The following SLC13A3 variants were observed in gnomAD, a reference collection of about 807,000 sequenced individuals.
SLC13A3 encodes the protein Na(+)/dicarboxylate cotransporter 3.
SLC13A3 carries 40 observed loss-of-function variants against 59.0 expected under a neutral mutation model. That is an observed-to-expected ratio of 0.68 (90% confidence interval 0.53 to 0.88). The LOEUF (loss-of-function observed/expected upper bound fraction) is 0.88, where lower values mean the gene tolerates loss of function less well. SLC13A3 is among the 40% of genes least tolerant of loss of function. SLC13A3 has a pLI of 0.00. For missense variants in SLC13A3, 699 were observed against 783.2 expected, an observed-to-expected ratio of 0.89 and a Z score of 1.28; for synonymous variants, 317 against 330.3, an observed-to-expected ratio of 0.96 and a Z score of 0.44.
At chr20:46,597,600 C>T (rs1405282029) in intron 4 of SLC13A3, among the ~76,000 whole-genome samples, 1 of 152,094 alleles carries the variant, frequency 6.6e-6, no homozygotes, top group Non-Finnish European at 1.5e-5. Flanking sequence ...CCATGCCCAG[C>T]TAATTTTTGT....
chr20:46,679,969 T>C (rs2063146478), intron 1 of SLC13A3, among the ~76,000 whole-genome samples: 1 of 151,956 alleles, frequency 6.6e-6, no homozygotes, highest in African/African-American at 2.4e-5. Flanking sequence ...ATTTCTACCA[T>C]TTACAGGCTG....
upstream of SLC13A3, among the ~76,000 whole-genome samples, chr20:46,673,030 G>A (rs1033209767): frequency 6.6e-6 from 1 of 152,180 alleles, no homozygotes; most frequent in African/African-American, 2.4e-5. Flanking sequence ...GGGATAGTTT[G>A]TCAAGCAGCA....
At chr20:46,583,549 G>C in intron 9 of SLC13A3, 23 bp downstream of exon 9, 1 of 1,612,262 alleles carries the variant, frequency 6.2e-7, no homozygotes, top group Non-Finnish European at 8.5e-7. Flanking sequence ...AGCCCACCGA[G>C]ACCCCAGCCT....
intron 2 of SLC13A3, 91 bp downstream of exon 2, chr20:46,613,369 G>T: frequency 8.6e-7 from 1 of 1,158,712 alleles, no homozygotes; most frequent in Non-Finnish European, 1.1e-6. Context: ...TCTTGGCCTG[G>T]ACGAGTAAAT....
rs1279706238 is a variant in SLC13A3 at position 46,559,818 on chromosome 20, C to T, written c.*204G>A. On this transcript the variant is annotated 3_prime_UTR_variant, in exon 13 of 13. Transcript: ENST00000279027. ...TCTCAGGCAGCAGATCTGAGAGATA[C>T]CTGGGCTTTGAACTGCATGAAAGAG... is the stretch of plus-strand genomic sequence containing the variant. 4 of 540,826 alleles carry T rather than the reference C, an allele frequency of 7.4e-6. No individual in the cohort carries two copies. Among genetic ancestry groups the T allele is most frequent in the Non-Finnish European group, 6.5e-6 (2 of 305,606 alleles). The allele number at this position is 540,826 out of a possible 1,614,324, so 33.5% of individuals were successfully genotyped here. A position where few individuals can be genotyped will look rare whatever the true frequency, so the allele number is the denominator to read the frequency against.
intron 1 of SLC13A3, among the ~76,000 whole-genome samples, chr20:46,642,919 A>G (rs190079446): frequency 6.6e-6 from 1 of 151,582 alleles, no homozygotes; most frequent in East Asian, 1.9e-4. Flanking sequence ...CTGCCAGCCT[A>G]ATGTGGGCAG....
At chr20:46,645,526 G>A (rs1022142049) in intron 1 of SLC13A3, among the ~76,000 whole-genome samples, 1 of 152,150 alleles carries the variant, frequency 6.6e-6, no homozygotes, top group African/African-American at 2.4e-5. Context: ...ACGCTTCCAG[G>A]CTATGGGTCC....
At chr20:46,634,259 G>T (rs915408666) in intron 1 of SLC13A3, among the ~76,000 whole-genome samples, 1 of 152,184 alleles carries the variant, frequency 6.6e-6, no homozygotes, top group African/African-American at 2.4e-5. Flanking sequence ...AGTCTTGAGG[G>T]TGAGCAGAAC....
intron 10 of SLC13A3, among the ~76,000 whole-genome samples, chr20:46,567,216 T>A (rs759601504): frequency 6.6e-6 from 1 of 152,132 alleles, no homozygotes; most frequent in African/African-American, 2.4e-5. Context: ...TGTATTTGTA[T>A]ATATACACAC....
rs144759968 is a variant in SLC13A3, at chr20:46,683,486, G to A, written c.-31+910C>T. On this transcript the variant is annotated intron_variant, in intron 1 of 6. Coordinates refer to the SLC13A3 transcript ENST00000372121. ...TGCATAATAAAAGACTGGGGTGGGGGTGCCGAGATTCATACCCTGTGCCAA... is the reference window on the plus strand; with the variant it reads ...TGCATAATAAAAGACTGGGGTGGGGATGCCGAGATTCATACCCTGTGCCAA... Among the ~76,000 whole-genome samples the A allele has an allele frequency of 4.3e-3, 661 of 152,202 alleles. 3 individuals are homozygous for A. The highest frequency in any genetic ancestry group is 0.015 in the African/African-American group (617 of 41,542).
At chr20:46,629,975 C>T (rs536675711) in intron 1 of SLC13A3, among the ~76,000 whole-genome samples, 11 of 152,184 alleles carry the variant, frequency 7.2e-5, no homozygotes, top group Non-Finnish European at 7.4e-5. Flanking sequence ...CTACTTATTA[C>T]AGAATTGCGG....
Position 46,590,409 on chromosome 20 carries a change from C to T in SLC13A3, c.921-1154G>A, listed in dbSNP as rs847089. 7.1e-3 allele frequency among the ~76,000 whole-genome samples: 1,081 copies of T among 152,124 alleles called. 14 individuals are homozygous for T. The highest frequency in any genetic ancestry group is 0.025 in the African/African-American group (1,049 of 41,534). ...AGACAAATCAGGAAAAAAAATGTAG[C>T]TTCTATTGTAGAATAAGCACTCATC... On this transcript the variant is annotated intron_variant, in intron 6 of 12. Coordinates refer to ENST00000279027, the MANE Select transcript of SLC13A3 (RefSeq NM_022829.6).
At chr20:46,665,118 T>C (rs1198943847) in intron 1 of SLC13A3, among the ~76,000 whole-genome samples, 3 of 152,080 alleles carry the variant, frequency 2.0e-5, no homozygotes, top group African/African-American at 4.8e-5. Flanking sequence ...ATATGTCAAT[T>C]AGCCAAGCAT....
Position 46,610,551 on chromosome 20 carries a change from C to T in SLC13A3, c.436G>A (p.Ala146Thr), listed in dbSNP as rs780659717. Residue 146 changes from alanine to threonine, a missense_variant, in exon 3 of 13, where the codon GCC becomes ACC. Physicochemically the swap from Ala to Thr is moderately conservative, Grantham distance 58. Transcript: ENST00000279027. ...ATGGGAAGCATCATGGCAGTGGAGGCGGTGTTGCTCAGCCACATGGACAAG... is the reference window on the plus strand; with the variant it reads ...ATGGGAAGCATCATGGCAGTGGAGGTGGTGTTGCTCAGCCACATGGACAAG... ...SFLSMWLSNT[A>T]STAMMLPIAN... 1.5e-5 allele frequency: 25 copies of T among 1,613,972 alleles called. No homozygotes were observed. The highest frequency in any genetic ancestry group is 9.3e-5 in the African/African-American group (7 of 74,898).
chr20:46,645,039 G>A (rs2062880786), intron 1 of SLC13A3, among the ~76,000 whole-genome samples: 1 of 152,180 alleles, frequency 6.6e-6, no homozygotes, highest in Non-Finnish European at 1.5e-5. Flanking sequence ...TCAAGGTGTT[G>A]GCCAGGCTGG....
intron 1 of SLC13A3, among the ~76,000 whole-genome samples, chr20:46,635,770 A>G (rs1242168311): frequency 1.3e-5 from 2 of 152,210 alleles, no homozygotes; most frequent in Admixed American, 6.5e-5. Flanking sequence ...TGGTTTCACA[A>G]GATACAGGTC....
chr20:46,604,732 G>A (rs1303329072), intron 3 of SLC13A3, among the ~76,000 whole-genome samples: 1 of 152,190 alleles, frequency 6.6e-6, no homozygotes, highest in East Asian at 1.9e-4. Context: ...TGGGCCATAG[G>A]GATGAGGGCC....
At position 46,566,228 on chromosome 20, in the gene SLC13A3, C is replaced by A; in HGVS notation, c.1494+1G>T. Reference sequence around the variant, plus strand: ...CCCCTCTTCCCCAGAAGGACCCTCACCAGCTCTGCCAGGACCGGCAGGAAG... The same window carrying A: ...CCCCTCTTCCCCAGAAGGACCCTCAACAGCTCTGCCAGGACCGGCAGGAAG... On this transcript the variant is annotated splice_donor_variant, in intron 11 of 12. Coordinates refer to ENST00000279027, the MANE Select transcript of SLC13A3 (RefSeq NM_022829.6). LOFTEE classifies it high-confidence loss of function. The A allele has an allele frequency of 6.2e-7, 1 of 1,613,154 alleles. No homozygotes were observed. Among genetic ancestry groups the A allele is most frequent in the Non-Finnish European group, 8.5e-7 (1 of 1,179,258 alleles).
intron 1 of SLC13A3, among the ~76,000 whole-genome samples, chr20:46,627,349 A>C (rs536450587): frequency 6.6e-6 from 1 of 152,270 alleles, no homozygotes; most frequent in East Asian, 1.9e-4. Flanking sequence ...AGGGGATAAA[A>C]GTTCCCAAGC....
Sources: allele counts gnomAD v4.1 joint callset (sites outside exome capture counted in the v4.1 genomes callset), GRCh38; gene constraint gnomAD v4.1.1; transcripts MANE v1.5; gene names NCBI Gene and HGNC (gene_info 2026-07-23, HGNC 2026-07-21).